The following DOP1A variants were observed in gnomAD, a reference collection of about 807,000 sequenced individuals.
DOP1A encodes DOP1 leucine zipper like protein A, also known as protein DOP1A.
DOP1A carries 90 observed loss-of-function variants against 267.6 expected under a neutral mutation model. That is an observed-to-expected ratio of 0.34 (90% CI 0.28 to 0.40). DOP1A has a LOEUF of 0.40. Ranked by LOEUF, DOP1A falls within the 10% of genes least tolerant of loss-of-function variation. DOP1A has a pLI of 1.00. For synonymous variants in DOP1A, 932 were observed against 999.1 expected (o/e 0.93, Z 1.27); for missense variants, 2,437 against 2,900.4 (o/e 0.84, Z 3.67).
intron 1 of DOP1A, among the ~76,000 whole-genome samples, chr6:83,088,563 C>A (rs747463774): frequency 4.0e-5 from 6 of 151,782 alleles, no homozygotes; most frequent in African/African-American, 4.8e-5. Flanking sequence ...GCTGGGATTA[C>A]AGGCATGCAC....
intron 3 of DOP1A, 77 bp from the exon 4 acceptor site, chr6:83,100,628 A>G: frequency 9.5e-7 from 1 of 1,047,728 alleles, no homozygotes. Context: ...ATTTTTTATA[A>G]TACTATGCTA....
In DOP1A at chr6:83,168,432, T is replaced by C; in HGVS notation, c.*265T>C. The C allele has an allele frequency of 1.8e-6, 2 of 1,131,770 alleles. No individual in the cohort carries two copies. The highest frequency in any genetic ancestry group is 2.2e-6 in the Non-Finnish European group (2 of 924,120). 70.1% of individuals were successfully genotyped at this position (1,131,770 alleles called of 1,614,324 possible). ...CCATTGTTTTTATTGTCCTGAGTTGTCTTAAACCTGCAAAATATACACTAC... is the reference window on the plus strand; with the variant it reads ...CCATTGTTTTTATTGTCCTGAGTTGCCTTAAACCTGCAAAATATACACTAC... On this transcript the variant is annotated 3_prime_UTR_variant, in exon 39 of 39. Transcript: ENST00000349129.
At chr6:83,071,167 T>C (rs908426043) in intron 1 of DOP1A, among the ~76,000 whole-genome samples, 13 of 152,228 alleles carry the variant, frequency 8.5e-5, no homozygotes, top group Admixed American at 7.2e-4. Flanking sequence ...AAACTGAGAC[T>C]TTCTTCTTGA....
At chr6:83,135,123 A>C (rs1778674925) in intron 19 of DOP1A, among the ~76,000 whole-genome samples, 1 of 152,152 alleles carries the variant, frequency 6.6e-6, no homozygotes, top group South Asian at 2.1e-4. Context: ...TACTTGCCCA[A>C]CACCACACAA....
At chr6:83,082,810 C>CTTTT (rs1191012120) in intron 1 of DOP1A, among the ~76,000 whole-genome samples, 1 of 142,044 alleles carries the variant, frequency 7.0e-6, no homozygotes, top group African/African-American at 2.6e-5. Context: ...TTTAAACCCA[C>CTTTT]TTTTTTTTTT....
At position 83,140,229 on chromosome 6, in the gene DOP1A, C is replaced by T; in HGVS notation, c.5241C>T (p.Val1747=). 1 of 1,609,440 alleles carries T rather than the reference C, an allele frequency of 6.2e-7. No individual in the cohort carries two copies. The highest frequency in any genetic ancestry group is 1.7e-4 in the Middle Eastern group (1 of 6,022). ...CCCCCAACTGTTAATAGCTTTTGGTCAGTGTAGACCAGAAACACTTGTTTG... is the reference window on the plus strand; with the variant it reads ...CCCCCAACTGTTAATAGCTTTTGGTTAGTGTAGACCAGAAACACTTGTTTG... The part of the protein sequence containing the change: ...DPTTQYHQLL[V]SVDQKHLFEA... The change falls in exon 23 of 39, where the codon GTC becomes GTT. Residue 1747 remains valine, a synonymous_variant. Coordinates refer to ENST00000349129, the MANE Select transcript of DOP1A (RefSeq NM_015018.4).
In DOP1A at chr6:83,134,271, G is replaced by A; in HGVS notation, c.2854G>A (p.Val952Ile). The change falls in exon 19 of 39, where the codon GTA (valine) becomes ATA (isoleucine). Residue 952 changes from valine (V) to isoleucine (I), a missense_variant. Around this residue, in one of 9 missense-constraint regions of DOP1A, gnomAD observed 878 missense variants for 992.9 expected, o/e 0.88. Coordinates refer to ENST00000349129, the MANE Select transcript of DOP1A (RefSeq NM_015018.4). ...DLHINKSSSF[V>I]RSFDRSLFIM... Reference sequence around the variant, plus strand: ...CCATATAAATAAATCTTCATCTTTTGTACGTTCTTTTGACAGGTCAGTTAC... The same window carrying A: ...CCATATAAATAAATCTTCATCTTTTATACGTTCTTTTGACAGGTCAGTTAC... 6.2e-7 allele frequency: 1 copy of A among 1,611,454 alleles called. No homozygotes were observed. The highest frequency in any genetic ancestry group is 8.5e-7 in the Non-Finnish European group (1 of 1,178,766).
intron 1 of DOP1A, among the ~76,000 whole-genome samples, chr6:83,081,433 G>A (rs1440392684): frequency 6.6e-6 from 1 of 152,130 alleles, no homozygotes; most frequent in Non-Finnish European, 1.5e-5. Flanking sequence ...TTTGACAAAG[G>A]CAACAGTAAT....
At chr6:83,155,769 C>G (rs546231347) in intron 33 of DOP1A, among the ~76,000 whole-genome samples, 182 bp from the exon 34 acceptor site, 1 of 152,342 alleles carries the variant, frequency 6.6e-6, no homozygotes, top group South Asian at 2.1e-4. Context: ...CCATTTTGGT[C>G]CTCTGGCTTA....
intron 6 of DOP1A, among the ~76,000 whole-genome samples, chr6:83,112,605 C>G (rs775534710): frequency 2.6e-5 from 4 of 152,146 alleles, no homozygotes; most frequent in Non-Finnish European, 5.9e-5. Context: ...GCTGGGATTA[C>G]AGGCATGCAC....
At chr6:83,166,236 G>T in intron 38 of DOP1A, 1 of 512,070 alleles carries the variant, frequency 2.0e-6, no homozygotes, top group South Asian at 3.8e-5. Flanking sequence ...CCATAAAATG[G>T]TCAACATTGA....
At chr6:83,108,593 A>C (rs1022101799) in intron 4 of DOP1A, among the ~76,000 whole-genome samples, 1 of 152,226 alleles carries the variant, frequency 6.6e-6, no homozygotes, top group African/African-American at 2.4e-5. Flanking sequence ...TAGTGATGCC[A>C]TATTTTGAAA....
intron 1 of DOP1A, among the ~76,000 whole-genome samples, chr6:83,089,762 A>G (rs1214045139): frequency 1.3e-5 from 2 of 152,190 alleles, no homozygotes; most frequent in African/African-American, 4.8e-5. Flanking sequence ...AGTTAATTTC[A>G]AACAAAACAG....
intron 23 of DOP1A, 121 bp from the exon 24 acceptor site, chr6:83,141,800 T>C (rs1300356862): frequency 1.1e-6 from 1 of 933,884 alleles, no homozygotes; most frequent in Non-Finnish European, 1.5e-6. Flanking sequence ...CCTCTAGTGT[T>C]ATTTAGATAG....
intron 1 of DOP1A, among the ~76,000 whole-genome samples, chr6:83,070,452 A>G (rs1159257236): frequency 1.3e-5 from 2 of 152,138 alleles, no homozygotes; most frequent in Non-Finnish European, 2.9e-5. Flanking sequence ...ATTAAGGAAA[A>G]ATTTATATAT....
chr6:83,170,600 T>C (rs1395807707), downstream of DOP1A: 1 of 780,212 alleles, frequency 1.3e-6, no homozygotes. Flanking sequence ...AACTTCTTTC[T>C]CCAAGGTCAG....
At chr6:83,115,519 G>C (rs940677618) in intron 7 of DOP1A, among the ~76,000 whole-genome samples, 1 of 152,048 alleles carries the variant, frequency 6.6e-6, no homozygotes, top group African/African-American at 2.4e-5. Flanking sequence ...TCAGGAGATC[G>C]AGACCATCCT....
Position 83,167,903 on chromosome 6 carries a change from G to C in DOP1A, c.7134G>C (p.Trp2378Cys), listed in dbSNP as rs1786205392. 6.2e-7 allele frequency: 1 copy of C among 1,613,372 alleles called. No homozygotes were observed. The highest frequency in any genetic ancestry group is 8.5e-7 in the Non-Finnish European group (1 of 1,179,610). ...ACAACTCAGGGAGAACATTGGGTTGGGAGCCAGGGCACTTGCTGCTCACCA... is the reference window on the plus strand; with the variant it reads ...ACAACTCAGGGAGAACATTGGGTTGCGAGCCAGGGCACTTGCTGCTCACCA... ...EEDNSGRTLG[W>C]EPGHLLLTIC... The change falls in exon 39 of 39, where the codon TGG (tryptophan) becomes TGC (cysteine). Residue 2378 changes from tryptophan to cysteine, a missense_variant. Physicochemically the swap from Trp to Cys is radical, Grantham distance 215. Transcript: ENST00000349129.
Position 83,109,048 on chromosome 6 carries a change from T to C in DOP1A, c.459T>C (p.Pro153=), listed in dbSNP as rs762514089. Residue 153 remains proline (P), a synonymous_variant, in exon 5 of 39, where the codon CCT becomes CCC. Transcript: ENST00000349129. The part of the protein sequence containing the change: ...GLQGLLTGIL[P]GLEEGSEYYE... ...AGGGATTGCTTACTGGTATTCTTCC[T>C]GGCTTAGAAGAAGGATCAGAGTACT... 2.5e-6 allele frequency: 4 copies of C among 1,613,496 alleles called. No homozygotes were observed. The highest frequency in any genetic ancestry group is 2.2e-5 in the South Asian group (2 of 91,072).
Sources: gnomAD v4.1 joint callset for allele counts (sites outside exome capture counted in the v4.1 genomes callset) on GRCh38, gnomAD v4.1.1 for gene constraint, gnomAD v4.1.1 regional missense constraint, MANE v1.5 for transcripts, NCBI Gene and HGNC (gene_info 2026-07-23, HGNC 2026-07-21) for gene names.